Variants in ITGA9 observed in about 807,000 individuals in gnomAD.
ITGA9 encodes integrin subunit alpha 9, also known as integrin alpha-9.
Under a neutral mutation model 127.8 loss-of-function variants are expected in ITGA9, and 56 were observed. The observed-to-expected ratio is 0.44, with a 90% CI of 0.35 to 0.55. The LOEUF is 0.55. ITGA9 is among the 20% of genes least tolerant of loss of function. The pLI is 0.00. For synonymous variants in ITGA9, 508 were observed against 514.5 expected, an observed-to-expected ratio of 0.99 and a Z score of 0.17; for missense variants, 1,196 against 1,347.1, an observed-to-expected ratio of 0.89 and a Z score of 1.76.
intron 5 of ITGA9, among the ~76,000 whole-genome samples, chr3:37,500,774 T>C (rs1183231552): frequency 1.3e-5 from 2 of 152,112 alleles, no homozygotes; most frequent in Non-Finnish European, 2.9e-5. Flanking sequence ...CCTGAAAAGA[T>C]CTGTTTCTGA....
At chr3:37,529,477 G>A (rs900724765) in intron 13 of ITGA9, among the ~76,000 whole-genome samples, 8 of 152,170 alleles carry the variant, frequency 5.3e-5, no homozygotes, top group African/African-American at 1.9e-4. Flanking sequence ...GTGGGTGAGA[G>A]AAGAAACAAG....
chr3:37,490,255 A>G (rs1044502375), intron 4 of ITGA9, among the ~76,000 whole-genome samples: 4 of 152,212 alleles, frequency 2.6e-5, no homozygotes, highest in Non-Finnish European at 5.9e-5. Flanking sequence ...CTGAAACTAG[A>G]GGCAAGGGGG....
intron 27 of ITGA9, among the ~76,000 whole-genome samples, chr3:37,809,368 G>A (rs1052490714): frequency 2.0e-5 from 3 of 152,128 alleles, no homozygotes; most frequent in African/African-American, 7.2e-5. Flanking sequence ...TTACAGGTGT[G>A]AGCCACCGTG....
intron 18 of ITGA9, among the ~76,000 whole-genome samples, chr3:37,727,744 AG>A (rs1696232885): frequency 1.3e-5 from 2 of 152,232 alleles, no homozygotes. Flanking sequence ...CAATCACAAA[AG>A]GATCATTTTA....
At chr3:37,735,799 T>C (rs888728295) in intron 19 of ITGA9, among the ~76,000 whole-genome samples, 19 of 152,210 alleles carry the variant, frequency 1.2e-4, no homozygotes, top group Non-Finnish European at 2.5e-4. Flanking sequence ...TTTTAGATGG[T>C]TCATGAAATT....
intron 15 of ITGA9, among the ~76,000 whole-genome samples, chr3:37,560,114 C>G (rs1003102765): frequency 2.0e-5 from 3 of 152,016 alleles, no homozygotes; most frequent in Admixed American, 6.6e-5. Flanking sequence ...CCGCCACCCC[C>G]CGACAGGCCC....
chr3:37,686,870 G>T (rs1484183112), intron 18 of ITGA9, among the ~76,000 whole-genome samples: 1 of 152,144 alleles, frequency 6.6e-6, no homozygotes, highest in Non-Finnish European at 1.5e-5. Flanking sequence ...ATAAACAGCG[G>T]ATGTAAATGG....
chr3:37,671,046 C>CG (rs1265589998), intron 17 of ITGA9, among the ~76,000 whole-genome samples: 1 of 152,240 alleles, frequency 6.6e-6, no homozygotes, highest in Non-Finnish European at 1.5e-5. Flanking sequence ...ATCGTAGCAG[C>CG]GGGCCCTTGC....
chr3:37,662,753 A>G (rs1170518883), intron 17 of ITGA9, among the ~76,000 whole-genome samples: 6 of 152,198 alleles, frequency 3.9e-5, no homozygotes, highest in Non-Finnish European at 8.8e-5. Context: ...CTCTCCTGTT[A>G]GCCGTGACCT....
intron 3 of ITGA9, 103 bp from the exon 4 acceptor site, chr3:37,481,381 C>T (rs1295480509): frequency 1.3e-6 from 2 of 1,484,692 alleles, no homozygotes; most frequent in Non-Finnish European, 1.9e-6. Context: ...TCCCTCTGCT[C>T]CTCTCTTCTC....
intron 4 of ITGA9, among the ~76,000 whole-genome samples, chr3:37,491,205 G>C (rs1698669833): frequency 6.6e-6 from 1 of 152,008 alleles, no homozygotes. Context: ...TTCAACTCCT[G>C]GACTCAAGTG....
intron 15 of ITGA9, among the ~76,000 whole-genome samples, chr3:37,620,950 G>A (rs1700122289): frequency 6.6e-6 from 1 of 152,180 alleles, no homozygotes; most frequent in South Asian, 2.1e-4. Context: ...AAGGCACACA[G>A]CAACCAAGTG....
chr3:37,465,335 C>T (rs1157853249), intron 1 of ITGA9, among the ~76,000 whole-genome samples: 1 of 152,174 alleles, frequency 6.6e-6, no homozygotes, highest in Non-Finnish European at 1.5e-5. Context: ...AGCTTGACCA[C>T]ACACAGGGAG....
intron 15 of ITGA9, among the ~76,000 whole-genome samples, chr3:37,611,900 C>T (rs780981603): frequency 3.8e-4 from 58 of 152,022 alleles, no homozygotes; most frequent in Non-Finnish European, 6.8e-4. Context: ...TGGGCTCACA[C>T]GGGGAAACAG....
At chr3:37,732,636 G>A (rs575158552) in intron 18 of ITGA9, 76 bp from the exon 19 acceptor site, 8 of 1,090,904 alleles carry the variant, frequency 7.3e-6, no homozygotes, top group South Asian at 4.0e-5. Context: ...TGAAGGACTC[G>A]ATTGCCCCGT....
At chr3:37,491,347 C>T (rs1038337358) in intron 4 of ITGA9, among the ~76,000 whole-genome samples, 2 of 152,184 alleles carry the variant, frequency 1.3e-5, no homozygotes, top group Non-Finnish European at 2.9e-5. Context: ...CCTGCTTTTC[C>T]CCTGCTTCTT....
At chr3:37,474,737 A>C (rs1698474780) in intron 3 of ITGA9, among the ~76,000 whole-genome samples, 1 of 152,240 alleles carries the variant, frequency 6.6e-6, no homozygotes, top group Non-Finnish European at 1.5e-5. Flanking sequence ...GGGGAAAGTA[A>C]TACTAGCTGC....
At chr3:37,495,502 A>G (rs185144358) in intron 5 of ITGA9, among the ~76,000 whole-genome samples, 186 of 152,280 alleles carry the variant, frequency 1.2e-3, no homozygotes, top group Non-Finnish European at 2.1e-3. Context: ...AGGCCAAAAA[A>G]AGAGTACTTT....
intron 18 of ITGA9, among the ~76,000 whole-genome samples, chr3:37,717,377 T>G (rs756796403): frequency 1.3e-5 from 2 of 152,226 alleles, no homozygotes; most frequent in African/African-American, 4.8e-5. Flanking sequence ...TTGTAATAGC[T>G]TTTGACCTAT....
Sources: gnomAD v4.1 joint callset for allele counts (sites outside exome capture counted in the v4.1 genomes callset) on GRCh38, gnomAD v4.1.1 for gene constraint, MANE v1.5 for transcripts, NCBI Gene and HGNC (gene_info 2026-07-23, HGNC 2026-07-21) for gene names.